The following XKR4 variants were observed in gnomAD, a reference collection of about 807,000 sequenced individuals.
XKR4 encodes XK related 4, also known as XK-related protein 4.
A neutral mutation model predicts 53.9 loss-of-function variants in XKR4; 12 were observed. That is an observed-to-expected ratio of 0.22 (90% confidence interval 0.14 to 0.36). The LOEUF (loss-of-function observed/expected upper bound fraction) is 0.36, where lower values mean the gene tolerates loss of function less well. XKR4 is among the 10% of genes least tolerant of loss of function. The pLI is 1.00. For missense variants in XKR4, 799 were observed against 859.5 expected, an observed-to-expected ratio of 0.93 and a Z score of 0.88; for synonymous variants, 354 against 362.4, an observed-to-expected ratio of 0.98 and a Z score of 0.26.
chr8:55,505,544 C>T (rs1298360605), intron 2 of XKR4, among the ~76,000 whole-genome samples: 2 of 152,018 alleles, frequency 1.3e-5, no homozygotes, highest in Admixed American at 1.3e-4. Context: ...GAACAAGACC[C>T]CATCTCAAAA....
chr8:55,116,398 C>T (rs1255600146), intron 1 of XKR4, among the ~76,000 whole-genome samples: 1 of 152,142 alleles, frequency 6.6e-6, no homozygotes, highest in East Asian at 1.9e-4. Flanking sequence ...CCCTGCACTT[C>T]CCCTCCTCAC....
chr8:55,444,394 A>G lies in XKR4; in HGVS notation c.1007-78887A>G. Reference sequence around the variant, plus strand: ...AAATTCAACTACATTAAAAATGAGTACTTTTTCTTTCATCAAAAGACTTCA... The same window carrying G: ...AAATTCAACTACATTAAAAATGAGTGCTTTTTCTTTCATCAAAAGACTTCA... On this transcript the variant is annotated intron_variant, in intron 2 of 2. Transcript: ENST00000327381. Among the ~76,000 whole-genome samples the G allele has an allele frequency of 1.3e-5, 2 of 152,204 alleles. 1 individual carries two copies. The highest frequency in any genetic ancestry group is 2.9e-5 in the Non-Finnish European group (2 of 68,044).
At chr8:55,159,885 T>G (rs959718095) in intron 1 of XKR4, among the ~76,000 whole-genome samples, 2 of 152,088 alleles carry the variant, frequency 1.3e-5, no homozygotes. Context: ...TAGACTCAAG[T>G]AGTGATGTGG....
At chr8:55,363,594 T>C (rs1192709812) in intron 2 of XKR4, among the ~76,000 whole-genome samples, 1 of 152,142 alleles carries the variant, frequency 6.6e-6, no homozygotes, top group Admixed American at 6.5e-5. Flanking sequence ...TTGCCCCACC[T>C]CATCGCGAAG....
intron 2 of XKR4, among the ~76,000 whole-genome samples, chr8:55,464,763 A>C (rs964541554): frequency 1.6e-4 from 25 of 152,332 alleles, no homozygotes; most frequent in African/African-American, 5.8e-4. Context: ...AAATCTCCTT[A>C]AGCTGATAAG....
chr8:55,158,296 T>C (rs1174766647), intron 1 of XKR4, among the ~76,000 whole-genome samples: 1 of 152,232 alleles, frequency 6.6e-6, no homozygotes, highest in Non-Finnish European at 1.5e-5. Context: ...CTAGTGTGTA[T>C]GTCTTCTTCT....
At chr8:55,261,107 C>T (rs1818518350) in intron 1 of XKR4, among the ~76,000 whole-genome samples, 1 of 152,082 alleles carries the variant, frequency 6.6e-6, no homozygotes, top group Admixed American at 6.6e-5. Context: ...TTAGGGGAAC[C>T]ATATTTTATT....
rs75874832 is a variant in XKR4, at chr8:55,188,920, C to T, written c.806+85626C>T. Among the ~76,000 whole-genome samples the T allele has an allele frequency of 5.5e-3, 832 of 152,226 alleles. 33 individuals carry two copies. In the East Asian group the frequency reaches 0.11, roughly 20 times the overall value. ...TCCATAACAAGTGTTCAGTTAAAGT[C>T]GGTTATTATTATTTATTCAGCTGGA... On this transcript the variant is annotated intron_variant, in intron 1 of 2. Transcript: ENST00000327381.
chr8:55,401,473 C>T (rs80222215), intron 2 of XKR4, among the ~76,000 whole-genome samples: 2,138 of 152,334 alleles, frequency 0.014, 28 homozygotes, highest in African/African-American at 0.035. Context: ...ATTTTCCAGC[C>T]GGTGGCTAGT....
Position 55,476,024 on chromosome 8 carries a change from G to A in XKR4, c.1007-47257G>A, listed in dbSNP as rs1454183775. On this transcript the variant is annotated intron_variant, in intron 2 of 2. Coordinates refer to ENST00000327381, the MANE Select transcript of XKR4 (RefSeq NM_052898.2). Reference sequence around the variant, plus strand: ...GCCTTCCAAAGTGCTGGGATTACAGGTGTTAGCCACCGCACCTGGCTACCT... The same window carrying A: ...GCCTTCCAAAGTGCTGGGATTACAGATGTTAGCCACCGCACCTGGCTACCT... Among the ~76,000 whole-genome samples, 8 of 152,194 alleles carry A rather than the reference G, an allele frequency of 5.3e-5. No individual in the cohort carries two copies. In the East Asian group the frequency reaches 1.2e-3, roughly 22 times the overall value.
Position 55,524,444 on chromosome 8 carries a change from G to T in XKR4, c.*217G>T. 2 of 584,680 alleles carry T rather than the reference G, an allele frequency of 3.4e-6. No homozygotes were observed. The highest frequency in any genetic ancestry group is 2.2e-5 in the South Asian group (1 of 45,810). The allele number at this position is 584,680 out of a possible 1,614,324, so 36.2% of individuals were successfully genotyped here. A position where few individuals can be genotyped will look rare whatever the true frequency, so the allele number is the denominator to read the frequency against. On this transcript the variant is annotated 3_prime_UTR_variant, in exon 3 of 3. Transcript: ENST00000327381. ...CTCTGACTCCACCTGAAAGAATGACGCTGGCTTAATAGGACTCTCCATTGC... is the reference window on the plus strand; with the variant it reads ...CTCTGACTCCACCTGAAAGAATGACTCTGGCTTAATAGGACTCTCCATTGC...
rs550585378 is a variant in XKR4, at chr8:55,486,843, CA to C, written c.1007-36437del. ...AAGTACCTTCATACACTTAACTTATCACAGTCTTTTTGTGAGGGAGCAATTT... is the reference window on the plus strand; with the variant it reads ...AAGTACCTTCATACACTTAACTTATCCAGTCTTTTTGTGAGGGAGCAATTT... On this transcript the variant is annotated intron_variant, in intron 2 of 2. Coordinates refer to ENST00000327381, the MANE Select transcript of XKR4 (RefSeq NM_052898.2). Among the ~76,000 whole-genome samples, 195 of 152,292 alleles carry C rather than the reference CA, an allele frequency of 1.3e-3. 1 individual carries two copies. The highest frequency in any genetic ancestry group is 4.4e-3 in the African/African-American group (182 of 41,574).
intron 1 of XKR4, among the ~76,000 whole-genome samples, chr8:55,182,007 G>GT (rs1313649884): frequency 6.6e-6 from 1 of 152,184 alleles, no homozygotes; most frequent in Non-Finnish European, 1.5e-5. Context: ...CTGACTCTGT[G>GT]TTGTTCCCTC....
chr8:55,504,322 C>T (rs1162566287), intron 2 of XKR4, among the ~76,000 whole-genome samples: 1 of 152,010 alleles, frequency 6.6e-6, no homozygotes, highest in Non-Finnish European at 1.5e-5. Flanking sequence ...AAGCAATTCC[C>T]CTGTCTCAGC....
chr8:55,216,660 G>T (rs572716779), intron 1 of XKR4, among the ~76,000 whole-genome samples: 1 of 151,392 alleles, frequency 6.6e-6, no homozygotes, highest in Admixed American at 6.6e-5. Flanking sequence ...CTGGGAGGCA[G>T]AGGTTGCAGT....
chr8:55,453,289 G>A (rs1469110799), intron 2 of XKR4: 3 of 486,432 alleles, frequency 6.2e-6, no homozygotes, highest in Non-Finnish European at 1.3e-5. Context: ...AGTCCTGCAG[G>A]CAGCAGTTCA....
intron 1 of XKR4, among the ~76,000 whole-genome samples, chr8:55,144,264 C>T (rs2129354600): frequency 6.6e-6 from 1 of 152,212 alleles, no homozygotes; most frequent in Admixed American, 6.5e-5. Context: ...CAATGTTAAA[C>T]ATCTAGAGAA....
intron 1 of XKR4, among the ~76,000 whole-genome samples, chr8:55,278,451 A>G (rs1399811968): frequency 6.6e-6 from 1 of 151,952 alleles, no homozygotes; most frequent in Non-Finnish European, 1.5e-5. Flanking sequence ...TCTTCACACA[A>G]TTTTTGTCCT....
chr8:55,243,924 A>G (rs1818246838), intron 1 of XKR4, among the ~76,000 whole-genome samples: 1 of 152,192 alleles, frequency 6.6e-6, no homozygotes, highest in Non-Finnish European at 1.5e-5. Flanking sequence ...GCACACAATA[A>G]ACACTAAATA....
Sources: allele counts gnomAD v4.1 joint callset (sites outside exome capture counted in the v4.1 genomes callset), GRCh38; gene constraint gnomAD v4.1.1; transcripts MANE v1.5; gene names NCBI Gene and HGNC (gene_info 2026-07-23, HGNC 2026-07-21).